The following DAB1 variants were observed in gnomAD, a reference collection of about 807,000 sequenced individuals.
The protein encoded by DAB1 is DAB adaptor protein 1, also known as disabled homolog 1.
Under a neutral mutation model 64.6 loss-of-function variants are expected in DAB1, and 15 were observed. The ratio of observed to expected loss-of-function variants is 0.23; its 90% CI spans 0.16 to 0.36. The LOEUF is 0.36. Among genes scored for constraint, DAB1 ranks in the 10% least tolerant of loss-of-function variants. The pLI is 1.00. For missense variants in DAB1, 596 were observed against 706.7 expected (o/e 0.84, Z 1.78); for synonymous variants, 235 against 251.9 (o/e 0.93, Z 0.64).
At chr1:57,565,161 T>A (rs982414364) in intron 7 of DAB1, among the ~76,000 whole-genome samples, 6 of 152,152 alleles carry the variant, frequency 3.9e-5, no homozygotes, top group Non-Finnish European at 7.3e-5. Flanking sequence ...GAATTTCATA[T>A]CCAGTGAAAC....
intron 4 of DAB1, among the ~76,000 whole-genome samples, chr1:58,313,862 A>T (rs929053094): frequency 1.2e-4 from 15 of 127,432 alleles, no homozygotes; most frequent in African/African-American, 3.9e-4. Flanking sequence ...TGTGTGAGAG[A>T]GAGAGAGAGA....
chr1:58,504,616 G>T (rs1179115671), intron 3 of DAB1, among the ~76,000 whole-genome samples: 1 of 151,964 alleles, frequency 6.6e-6, no homozygotes, highest in Non-Finnish European at 1.5e-5. Context: ...AGACTGTTTT[G>T]TTCCTTGCTC....
intron 1 of DAB1, among the ~76,000 whole-genome samples, chr1:57,380,874 A>T (rs775661319): frequency 9.9e-5 from 15 of 152,188 alleles, no homozygotes; most frequent in Non-Finnish European, 1.9e-4. Context: ...TTCAAACTCC[A>T]GGCCTAGCAC....
At chr1:58,242,853 T>G (rs962012547) in intron 4 of DAB1, among the ~76,000 whole-genome samples, 1 of 151,652 alleles carries the variant, frequency 6.6e-6, no homozygotes, top group African/African-American at 2.4e-5. Flanking sequence ...ACATGGGGAA[T>G]TAACCCTGAA....
At chr1:58,034,960 G>A (rs984661834) in intron 5 of DAB1, among the ~76,000 whole-genome samples, 4 of 152,156 alleles carry the variant, frequency 2.6e-5, no homozygotes, top group African/African-American at 7.2e-5. Context: ...TCTTCCCCTC[G>A]AACCTGTGTC....
At chr1:58,403,297 CAA>C (rs34798695) in intron 3 of DAB1, among the ~76,000 whole-genome samples, 2 of 142,264 alleles carry the variant, frequency 1.4e-5, no homozygotes. Context: ...TTTTTGCAGC[CAA>C]AAAAAAAAAA....
rs863705 is a variant in DAB1 at position 58,431,414 on chromosome 1, C to A, written n.257+74646G>T. Among the ~76,000 whole-genome samples, 7 of 151,758 alleles carry A rather than the reference C, an allele frequency of 4.6e-5. No homozygotes were observed. In the East Asian group the frequency reaches 1.4e-3, roughly 29 times the overall value. On this transcript the variant is annotated intron_variant and non_coding_transcript_variant, in intron 3 of 20. Transcript: ENST00000485760. Reference sequence around the variant, plus strand: ...CTCTATGAAAAATACAAAAATTAGCCGGGCGTGGTGGTGGGCGCCTGTAGT... The same window carrying A: ...CTCTATGAAAAATACAAAAATTAGCAGGGCGTGGTGGTGGGCGCCTGTAGT...
chr1:58,335,132 C>T (rs1233227830), intron 4 of DAB1, among the ~76,000 whole-genome samples: 1 of 152,142 alleles, frequency 6.6e-6, no homozygotes, highest in Non-Finnish European at 1.5e-5. Context: ...TTGAAAGGAA[C>T]ATTTGAGCAA....
intron 2 of DAB1, among the ~76,000 whole-genome samples, chr1:57,165,942 A>T (rs1661178232): frequency 6.6e-6 from 1 of 152,248 alleles, no homozygotes. Flanking sequence ...AGAGTTAGAC[A>T]TTCTGATGGA....
At chr1:57,902,156 CAAAA>C (rs60082541) in intron 5 of DAB1, among the ~76,000 whole-genome samples, 3 of 114,486 alleles carry the variant, frequency 2.6e-5, no homozygotes, top group Non-Finnish European at 1.7e-5. Context: ...GATCTTGTCT[CAAAA>C]AAAAAAAAAA....
intron 5 of DAB1, among the ~76,000 whole-genome samples, chr1:58,010,746 G>A (rs952124942): frequency 1.3e-5 from 2 of 152,166 alleles, no homozygotes; most frequent in African/African-American, 4.8e-5. Flanking sequence ...CAGAAGCACA[G>A]CACATGTGCT....
intron 1 of DAB1, among the ~76,000 whole-genome samples, chr1:57,391,695 A>C (rs2101002631): frequency 6.6e-6 from 1 of 152,002 alleles, no homozygotes; most frequent in South Asian, 2.1e-4. Flanking sequence ...TAACTATATA[A>C]GATGCTTCTG....
chr1:57,301,258 C>G (rs1350239014), intron 1 of DAB1, among the ~76,000 whole-genome samples: 1 of 152,122 alleles, frequency 6.6e-6, no homozygotes, highest in African/African-American at 2.4e-5. Flanking sequence ...TTAAACAAGG[C>G]CTGGCCACAG....
intron 7 of DAB1, among the ~76,000 whole-genome samples, chr1:57,619,762 T>G (rs1645834241): frequency 1.3e-5 from 2 of 152,030 alleles, no homozygotes; most frequent in Non-Finnish European, 2.9e-5. Context: ...CTATGAAATA[T>G]TTTAGGGCCA....
At chr1:57,417,031 G>T (rs1252773422) in intron 1 of DAB1, among the ~76,000 whole-genome samples, 1 of 152,114 alleles carries the variant, frequency 6.6e-6, no homozygotes, top group Non-Finnish European at 1.5e-5. Context: ...AAAGTGAAGA[G>T]AATTCAGTGG....
At chr1:57,848,442 G>T (rs1341467915) in intron 1 of DAB1, among the ~76,000 whole-genome samples, 1 of 152,118 alleles carries the variant, frequency 6.6e-6, no homozygotes, top group South Asian at 2.1e-4. Context: ...ATTTATCCTG[G>T]ACTACACAGG....
chr1:57,905,776 A>C (rs1450613410), intron 5 of DAB1, among the ~76,000 whole-genome samples: 1 of 152,184 alleles, frequency 6.6e-6, no homozygotes, highest in Non-Finnish European at 1.5e-5. Flanking sequence ...AGAAACCAGC[A>C]AAAGACATGA....
chr1:58,202,979 C>A (rs576594039), intron 4 of DAB1, among the ~76,000 whole-genome samples: 11 of 152,302 alleles, frequency 7.2e-5, no homozygotes, highest in Admixed American at 5.9e-4. Context: ...CCATTTGTTC[C>A]TGGGAAATCA....
intron 7 of DAB1, among the ~76,000 whole-genome samples, chr1:57,514,820 C>T (rs1037536953): frequency 2.0e-5 from 3 of 152,188 alleles, no homozygotes; most frequent in Admixed American, 6.5e-5. Flanking sequence ...GGAACCTCAC[C>T]TGTCTATGCC....
Sources: gnomAD v4.1 joint callset for allele counts (sites outside exome capture counted in the v4.1 genomes callset) on GRCh38, gnomAD v4.1.1 for gene constraint, MANE v1.5 for transcripts, NCBI Gene and HGNC (gene_info 2026-07-23, HGNC 2026-07-21) for gene names.